Variants in FCN2 observed in about 807,000 individuals in gnomAD.
FCN2 encodes the protein ficolin 2.
Under a neutral mutation model 32.5 loss-of-function variants are expected in FCN2, and 31 were observed. The observed-to-expected ratio is 0.96, with a 90% CI of 0.72 to 1.29. FCN2 has a LOEUF of 1.29. Among genes scored for constraint, FCN2 ranks in the 50% most tolerant of loss-of-function variants. The pLI is 0.00. For synonymous variants in FCN2, 181 were observed against 164.5 expected (o/e 1.10, Z -0.77); for missense variants, 412 against 406.5 (o/e 1.01, Z -0.12).
At chr9:134,876,044 T>C (rs1177636082), upstream of FCN2, among the ~76,000 whole-genome samples, 2 of 152,234 alleles carry the variant, frequency 1.3e-5, no homozygotes, top group Non-Finnish European at 2.9e-5. Context: ...GAGATGATAG[T>C]ATATCATTTT....
the FCN2 span, among the ~76,000 whole-genome samples, chr9:134,871,256 G>A: frequency 3.3e-5 from 5 of 152,308 alleles, no homozygotes; most frequent in South Asian, 2.1e-4. Context: ...ATGGATTCCC[G>A]CGGCTTGGCC....
At chr9:134,883,224 C>T (rs1830691214) in intron 2 of FCN2, 78 bp from the exon 3 acceptor site, 3 of 1,216,548 alleles carry the variant, frequency 2.5e-6, no homozygotes, top group Admixed American at 1.7e-5. Flanking sequence ...TTGGAAATGA[C>T]AGCCGCCAGC....
chr9:134,869,422 A>G, the FCN2 span, among the ~76,000 whole-genome samples: 1 of 152,308 alleles, frequency 6.6e-6, no homozygotes, highest in East Asian at 1.9e-4. Context: ...CCTTCTGATC[A>G]GCCAAGTAGG....
chr9:134,880,255 C>G (rs369077164), upstream of FCN2, among the ~76,000 whole-genome samples: 1 of 152,294 alleles, frequency 6.6e-6, no homozygotes, highest in East Asian at 1.9e-4. Context: ...CCCCAGGAAA[C>G]AGTGGACACA....
In FCN2 at chr9:134,883,317, C is replaced by A; in HGVS notation, c.230C>A (p.Pro77His). ...GAAATTGCAGGAGAACGTGGCCCCC[C>A]TGGACCTCCTGGGAAGGCAGGACCA... is the stretch of plus-strand genomic sequence containing the variant. ...TNGKRGERGP[P>H]GPPGKAGPPG... Residue 77 changes from proline to histidine, a missense_variant, in exon 3 of 8, where the codon CCT (proline) becomes CAT (histidine). Physicochemically the swap from Pro to His is moderately conservative, Grantham distance 77. Coordinates refer to ENST00000291744, the MANE Select transcript of FCN2 (RefSeq NM_004108.3). The A allele has an allele frequency of 6.2e-7, 1 of 1,613,672 alleles. No individual in the cohort carries two copies. Among genetic ancestry groups the A allele is most frequent in the Non-Finnish European group, 8.5e-7 (1 of 1,179,646 alleles).
At chr9:134,874,597 T>C in the FCN2 span, among the ~76,000 whole-genome samples, 1 of 152,368 alleles carries the variant, frequency 6.6e-6, no homozygotes, top group Non-Finnish European at 1.5e-5. Flanking sequence ...CAAACAACCA[T>C]TTTCTTGATA....
chr9:134,874,497 C>T, the FCN2 span, among the ~76,000 whole-genome samples: 116 of 152,162 alleles, frequency 7.6e-4, no homozygotes, highest in African/African-American at 2.7e-3. Flanking sequence ...TTCCTTTGTG[C>T]TTTTATCAAA....
intron 6 of FCN2, 85 bp from the exon 7 acceptor site, chr9:134,886,345 T>G: frequency 1.9e-6 from 3 of 1,546,596 alleles, no homozygotes; most frequent in Non-Finnish European, 2.7e-6. Context: ...CCAGACCTCC[T>G]TCCAGGCCCT....
Position 134,883,205 on chromosome 9 carries a change from T to A in FCN2, c.215-97T>A, listed in dbSNP as rs73565985. 2.5e-3 allele frequency: 2,510 copies of A among 1,022,254 alleles called. 45 individuals carry two copies. The African/African-American group carries it at 0.035, about 14-fold the overall frequency. The allele number at this position is 1,022,254 out of a possible 1,614,324, so 63.3% of individuals were successfully genotyped here. ...TCACGTCGTAGCACGAGCAGGGTCA[T>A]GGTCATGATTGGAAATGACAGCCGC... is the stretch of plus-strand genomic sequence containing the variant. On this transcript the variant is annotated intron_variant, in intron 2 of 7. Coordinates refer to ENST00000291744, the MANE Select transcript of FCN2 (RefSeq NM_004108.3).
upstream of FCN2, among the ~76,000 whole-genome samples, chr9:134,876,640 ACGAT>A (rs1242215798): frequency 6.6e-6 from 1 of 152,158 alleles, no homozygotes; most frequent in African/African-American, 2.4e-5. Flanking sequence ...GTGCAATGGC[ACGAT>A]CTTGGCTCAC....
At chr9:134,882,688 C>T (rs1392192495) in intron 2 of FCN2, 49 bp downstream of exon 2, 22 of 1,348,254 alleles carry the variant, frequency 1.6e-5, no homozygotes, top group Non-Finnish European at 2.2e-5. Flanking sequence ...TTTTTGAAAC[C>T]AGATGCTGAG....
the FCN2 span, among the ~76,000 whole-genome samples, chr9:134,873,922 G>GT: frequency 1.2e-3 from 7 of 6,050 alleles, no homozygotes; most frequent in African/African-American, 7.6e-3. Flanking sequence ...TTTGTTTTTT[G>GT]TTTTTTGATA....
the FCN2 span, among the ~76,000 whole-genome samples, chr9:134,874,013 T>C: frequency 6.6e-6 from 1 of 152,092 alleles, no homozygotes; most frequent in East Asian, 1.9e-4. Flanking sequence ...CGGGTTCAAG[T>C]GATGCTCATG....
the FCN2 span, among the ~76,000 whole-genome samples, chr9:134,870,086 G>A: frequency 6.6e-6 from 1 of 152,214 alleles, no homozygotes; most frequent in Non-Finnish European, 1.5e-5. The surrounding 1 kb of genome is among the most constrained non-coding windows in gnomAD (Gnocchi z 4.3). Context: ...GCTAGGCAGG[G>A]TTCCTCTGCC....
At chr9:134,879,657 C>A (rs1018840089), upstream of FCN2, among the ~76,000 whole-genome samples, 1 of 152,164 alleles carries the variant, frequency 6.6e-6, no homozygotes, top group Non-Finnish European at 1.5e-5. Flanking sequence ...GCCCTAAACA[C>A]CACGGAACCC....
chr9:134,884,891 C>T, intron 4 of FCN2, 119 bp downstream of exon 4: 1 of 960,506 alleles, frequency 1.0e-6, no homozygotes, highest in Non-Finnish European at 1.6e-6. Flanking sequence ...AAAATGGTTG[C>T]TTGCCCGTTT....
At chr9:134,885,919 G>T in intron 6 of FCN2, 22 bp downstream of exon 6, 2 of 1,597,158 alleles carry the variant, frequency 1.3e-6, no homozygotes, top group East Asian at 4.5e-5. Context: ...GCTGGGGCTT[G>T]GGGGTCGGGG....
chr9:134,876,296 T>C (rs1830603197), upstream of FCN2, among the ~76,000 whole-genome samples: 2 of 152,230 alleles, frequency 1.3e-5, no homozygotes, highest in South Asian at 2.1e-4. Context: ...GAATGAATGA[T>C]AAAGTAGTTG....
chr9:134,875,588 T>TGAA, the FCN2 span, among the ~76,000 whole-genome samples: 1 of 152,248 alleles, frequency 6.6e-6, no homozygotes, highest in South Asian at 2.1e-4. Context: ...TTGTTGGTTT[T>TGAA]GAAGAAGGAA....
Sources: allele counts gnomAD v4.1 joint callset (sites outside exome capture counted in the v4.1 genomes callset), GRCh38; gene constraint gnomAD v4.1.1; non-coding constraint Gnocchi (gnomAD v3.1); transcripts MANE v1.5; gene names NCBI Gene and HGNC (gene_info 2026-07-23, HGNC 2026-07-21).